GOLGA4: variants seen among roughly 807,000 people sequenced by gnomAD.
GOLGA4 encodes golgin subfamily A member 4.
A neutral mutation model predicts 265.9 loss-of-function variants in GOLGA4; 169 were observed. The observed-to-expected ratio is 0.64, with a 90% CI of 0.56 to 0.72. GOLGA4 has a LOEUF of 0.72. Ranked by LOEUF, GOLGA4 falls within the 30% of genes least tolerant of loss-of-function variation. The pLI is 0.00. For missense variants in GOLGA4, 2,482 were observed against 2,483.4 expected, an observed-to-expected ratio of 1.00 and a Z score of 0.01; for synonymous variants, 923 against 855.8, an observed-to-expected ratio of 1.08 and a Z score of -1.37.
rs375759795 is a variant in GOLGA4 at position 37,294,992 on chromosome 3, A to T, written c.596A>T (p.Asp199Val). The T allele has an allele frequency of 5.9e-5, 95 of 1,606,570 alleles. No individual in the cohort carries two copies. Among genetic ancestry groups the T allele is most frequent in the Non-Finnish European group, 2.2e-5 (26 of 1,175,096 alleles). Residue 199 changes from aspartate to valine, a missense_variant, in exon 6 of 24, where the codon GAC becomes GTC. By Grantham distance (152) the Asp-to-Val change is radical. This residue lies in a region of GOLGA4 where 1,536 missense variants were observed against 1,483.7 expected (regional missense o/e 1.04). Transcript: ENST00000361924. ...IAELREELQMDQQAKKHLQEE... is the reference protein window; with the variant it reads ...IAELREELQMVQQAKKHLQEE... ...TTTATGTTTTAGGAGCTCCAAATGGACCAGCAGGCAAAGAAACATCTGCAA... is the reference window on the plus strand; with the variant it reads ...TTTATGTTTTAGGAGCTCCAAATGGTCCAGCAGGCAAAGAAACATCTGCAA...
At chr3:37,265,519 T>G (rs1318016863) in intron 2 of GOLGA4, among the ~76,000 whole-genome samples, 1 of 152,208 alleles carries the variant, frequency 6.6e-6, no homozygotes, top group African/African-American at 2.4e-5. Flanking sequence ...CTTAAGACTT[T>G]GTGTTCTTTA....
intron 9 of GOLGA4, among the ~76,000 whole-genome samples, chr3:37,299,674 A>C (rs983850249): frequency 2.0e-5 from 3 of 152,230 alleles, no homozygotes; most frequent in Admixed American, 6.5e-5. Flanking sequence ...TTTATAGTTA[A>C]GGCATTATAA....
rs143897644 is a variant in GOLGA4 at position 37,302,594 on chromosome 3, A to G, written c.1234+262A>G. 9.2e-5 allele frequency among the ~76,000 whole-genome samples: 14 copies of G among 152,338 alleles called. No homozygotes were observed. The East Asian group carries it at 2.7e-3, about 29-fold the overall frequency. On this transcript the variant is annotated intron_variant, in intron 10 of 23. Transcript: ENST00000361924. ...TTTTAAATACTTGAACAAAAGAAAA[A>G]TATATGACAGAGACCATATGTGGTC...
chr3:37,303,349 T>A (rs1234415883), intron 10 of GOLGA4, among the ~76,000 whole-genome samples: 1 of 152,164 alleles, frequency 6.6e-6, no homozygotes, highest in Non-Finnish European at 1.5e-5. Flanking sequence ...GCCGCCTTGC[T>A]AGGATGGTGG....
At chr3:37,275,215 C>CAAAAAAAAA (rs749758741) in intron 2 of GOLGA4, among the ~76,000 whole-genome samples, 9 of 44,952 alleles carry the variant, frequency 2.0e-4, no homozygotes, top group Admixed American at 3.5e-4. Context: ...GACTCCGTCT[C>CAAAAAAAAA]AAAAAAAAAA....
intron 5 of GOLGA4, among the ~76,000 whole-genome samples, chr3:37,290,882 A>T (rs1158167611): frequency 6.6e-6 from 1 of 152,188 alleles, no homozygotes; most frequent in Non-Finnish European, 1.5e-5. Flanking sequence ...TTAGCAGCTA[A>T]AAGCACCTTT....
At chr3:37,257,754 T>G (rs1043897507) in intron 2 of GOLGA4, among the ~76,000 whole-genome samples, 2 of 151,438 alleles carry the variant, frequency 1.3e-5, no homozygotes, top group African/African-American at 4.9e-5. Flanking sequence ...CTCTCTGGTT[T>G]GCTGTCTTCC....
At chr3:37,355,264 T>G (rs1248870586) in intron 22 of GOLGA4, 77 bp downstream of exon 22, 1 of 779,850 alleles carries the variant, frequency 1.3e-6, no homozygotes, top group Non-Finnish European at 2.2e-6. Flanking sequence ...TAAGGACTTT[T>G]GAGTTGGTAA....
At chr3:37,292,168 TG>T (rs1021466289) in intron 5 of GOLGA4, among the ~76,000 whole-genome samples, 2 of 152,152 alleles carry the variant, frequency 1.3e-5, no homozygotes, top group African/African-American at 4.8e-5. Context: ...TTTTTTGGTT[TG>T]TTTTTTTTGT....
At chr3:37,275,852 C>T (rs760518230) in intron 2 of GOLGA4, 173 of 1,613,602 alleles carry the variant, frequency 1.1e-4, no homozygotes, top group Non-Finnish European at 1.3e-4. Flanking sequence ...TAATGCTATT[C>T]GCAAGCAGAG....
chr3:37,298,506 G>A (rs182147215), intron 7 of GOLGA4, among the ~76,000 whole-genome samples: 42 of 152,294 alleles, frequency 2.8e-4, no homozygotes, highest in Admixed American at 5.9e-4. Flanking sequence ...TCAGAATCTT[G>A]TAGCCTTCAG....
chr3:37,337,189 TTTTC>T, intron 18 of GOLGA4, 26 bp downstream of exon 18: 3 of 1,211,708 alleles, frequency 2.5e-6, no homozygotes, highest in Non-Finnish European at 3.5e-6. Context: ...CTTTTTTTTT[TTTTC>T]TTTTTTTTCT....
chr3:37,365,395 G>C (rs971350945), intron 23 of GOLGA4, among the ~76,000 whole-genome samples: 2 of 152,042 alleles, frequency 1.3e-5, no homozygotes, highest in Admixed American at 6.5e-5. Context: ...TCAGCCTCCC[G>C]AGTAGCTGGG....
chr3:37,361,214 A>T (rs373805969), intron 22 of GOLGA4, 29 bp from the exon 23 acceptor site: 36 of 1,566,692 alleles, frequency 2.3e-5, no homozygotes, highest in Non-Finnish European at 2.7e-5. Flanking sequence ...AACTAACCCA[A>T]TAAGCTTTTT....
intron 2 of GOLGA4, chr3:37,273,588 C>T (rs2096804878): frequency 1.3e-6 from 2 of 1,482,426 alleles, no homozygotes; most frequent in African/African-American, 1.4e-5. Flanking sequence ...GGAAGTGAAC[C>T]AAGCATTCCT....
intron 21 of GOLGA4, among the ~76,000 whole-genome samples, chr3:37,350,469 T>A (rs1347242685): frequency 6.6e-6 from 1 of 152,150 alleles, no homozygotes; most frequent in Admixed American, 6.6e-5. Context: ...TATGTGGTGT[T>A]GATATTAGAG....
intron 18 of GOLGA4, among the ~76,000 whole-genome samples, 176 bp downstream of exon 18, chr3:37,337,339 C>T (rs990111271): frequency 6.6e-6 from 1 of 152,006 alleles, no homozygotes; most frequent in Non-Finnish European, 1.5e-5. Context: ...GCTGGGACTA[C>T]AGGTATGTGC....
chr3:37,351,086 G>A (rs1279316758), intron 21 of GOLGA4, among the ~76,000 whole-genome samples: 1 of 152,094 alleles, frequency 6.6e-6, no homozygotes, highest in African/African-American at 2.4e-5. Context: ...ATTGCGGTCA[G>A]TTCTCTCAAA....
intron 1 of GOLGA4, chr3:37,244,108 TCTC>T: frequency 6.5e-6 from 1 of 153,884 alleles, no homozygotes; most frequent in East Asian, 1.9e-4. Flanking sequence ...TCGACGGAAG[TCTC>T]CTAATTCCAA....
Sources: allele counts gnomAD v4.1 joint callset (sites outside exome capture counted in the v4.1 genomes callset), GRCh38; gene constraint gnomAD v4.1.1; regional missense constraint gnomAD v4.1.1; transcripts MANE v1.5; gene names NCBI Gene and HGNC (gene_info 2026-07-23, HGNC 2026-07-21).